Variants in ZMYM2 observed in about 807,000 individuals in gnomAD.
ZMYM2 encodes the protein zinc finger MYM-type protein 2.
ZMYM2 carries 56 observed loss-of-function variants against 162.8 expected under a neutral mutation model. The ratio of observed to expected loss-of-function variants is 0.34; its 90% CI spans 0.28 to 0.43. The LOEUF (loss-of-function observed/expected upper bound fraction) is 0.43, where lower values mean the gene tolerates loss of function less well. Among genes scored for constraint, ZMYM2 ranks in the 20% least tolerant of loss-of-function variants. The pLI is 1.00. For synonymous variants in ZMYM2, 510 were observed against 541.6 expected (o/e 0.94, Z 0.81); for missense variants, 1,275 against 1,621.8 (o/e 0.79, Z 3.67).
the ZMYM2 span, among the ~76,000 whole-genome samples, chr13:19,908,051 G>T: frequency 6.6e-6 from 1 of 152,138 alleles, no homozygotes; most frequent in Non-Finnish European, 1.5e-5. Context: ...ACTATGTGAG[G>T]CCAAGGCAGG....
At chr13:20,068,885 T>A (rs755922369) in intron 21 of ZMYM2, among the ~76,000 whole-genome samples, 1 of 152,154 alleles carries the variant, frequency 6.6e-6, no homozygotes, top group Non-Finnish European at 1.5e-5. Context: ...TTGGGGGCTG[T>A]GTTTTGGGGT....
intron 12 of ZMYM2, among the ~76,000 whole-genome samples, chr13:20,050,957 T>C (rs1351704168): frequency 1.3e-5 from 2 of 152,024 alleles, no homozygotes; most frequent in Non-Finnish European, 2.9e-5. Context: ...TATTAAACTG[T>C]TGAAAAACTC....
intron 3 of ZMYM2, among the ~76,000 whole-genome samples, chr13:19,998,995 G>A (rs750944535): frequency 5.9e-5 from 9 of 152,272 alleles, no homozygotes; most frequent in Non-Finnish European, 1.0e-4. Context: ...ATGAAGATAG[G>A]TTATGGTATT....
Position 20,006,381 on chromosome 13 carries a change from A to G in ZMYM2, c.1307A>G (p.His436Arg). Residue 436 changes from histidine to arginine, a missense_variant, in exon 6 of 25, where the codon CAT becomes CGT. Transcript: ENST00000610343. ...TGTTTATTTTTCTTTTAGATTCGCC[A>G]TGAAGTCAGCTTTAAAAATATGACT... ...TICGKLTEIR[H>R]EVSFKNMTHK... 6.3e-7 allele frequency: 1 copy of G among 1,580,978 alleles called. No homozygotes were observed.
At chr13:20,046,078 CAA>C (rs34444937) in intron 12 of ZMYM2, among the ~76,000 whole-genome samples, 18 of 96,812 alleles carry the variant, frequency 1.9e-4, no homozygotes, top group East Asian at 3.0e-4. Context: ...CCCATCTCTG[CAA>C]AAAAAAAAAA....
At chr13:20,014,058 T>G (rs936190101) in intron 6 of ZMYM2, among the ~76,000 whole-genome samples, 20 of 152,096 alleles carry the variant, frequency 1.3e-4, no homozygotes, top group Admixed American at 7.9e-4. Flanking sequence ...TGGCCTTCTC[T>G]TTTTTGGGAC....
At chr13:19,987,289 A>T (rs1206160521) in intron 2 of ZMYM2, among the ~76,000 whole-genome samples, 2 of 151,602 alleles carry the variant, frequency 1.3e-5, no homozygotes, top group Admixed American at 6.6e-5. Flanking sequence ...CTTGAGACAG[A>T]GTCTCTCACC....
At chr13:19,989,709 T>C (rs905319182) in intron 2 of ZMYM2, among the ~76,000 whole-genome samples, 18 of 152,274 alleles carry the variant, frequency 1.2e-4, no homozygotes, top group African/African-American at 3.9e-4. Flanking sequence ...TAGATTATTA[T>C]TGACTATAGT....
the ZMYM2 span, among the ~76,000 whole-genome samples, chr13:19,913,223 C>T: frequency 2.6e-5 from 4 of 152,152 alleles, no homozygotes; most frequent in African/African-American, 4.8e-5. Context: ...GATAACTACT[C>T]TCTTTCTGAG....
Position 20,032,595 on chromosome 13 carries a change from CTGTCTTTTTT to C in ZMYM2, c.1968+1162_1968+1171del, listed in dbSNP as rs1953274942. Among the ~76,000 whole-genome samples, 4 of 96,372 alleles carry C rather than the reference CTGTCTTTTTT, an allele frequency of 4.2e-5. 1 individual carries two copies. The highest frequency in any genetic ancestry group is 2.7e-4 in the East Asian group (1 of 3,650). 63.2% of individuals were successfully genotyped at this position (96,372 alleles called of 152,430 possible). On this transcript the variant is annotated intron_variant, in intron 10 of 24. Transcript: ENST00000610343. ...AGAACTGGATTACATGATTTTTTTT[CTGTCTTTTTT>C]TTTTTTTTTTTTTTTTTTTTTGAGA...
intron 2 of ZMYM2, among the ~76,000 whole-genome samples, chr13:19,983,092 G>A (rs1334449087): frequency 6.6e-6 from 1 of 151,468 alleles, no homozygotes; most frequent in Non-Finnish European, 1.5e-5. Flanking sequence ...AAATCTTCCG[G>A]GTCTTTGGGG....
At chr13:19,954,330 G>GTTGACCAGGA (rs759697323), upstream of ZMYM2, among the ~76,000 whole-genome samples, 11 of 151,054 alleles carry the variant, frequency 7.3e-5, no homozygotes, top group Non-Finnish European at 1.0e-4. Context: ...GGGTTTCACC[G>GTTGACCAGGA]TGGTCTCGAT....
At chr13:20,007,609 C>T (rs1950844548) in intron 6 of ZMYM2, among the ~76,000 whole-genome samples, 1 of 144,728 alleles carries the variant, frequency 6.9e-6, no homozygotes, top group Non-Finnish European at 1.5e-5. Flanking sequence ...TATGAACTTT[C>T]TCCCTCTTTA....
intron 17 of ZMYM2, 29 bp downstream of exon 17, chr13:20,061,253 A>G: frequency 6.2e-7 from 1 of 1,605,226 alleles, no homozygotes. Flanking sequence ...TACCTTGCGA[A>G]TAAGTGTTAA....
intron 2 of ZMYM2, among the ~76,000 whole-genome samples, chr13:19,968,011 T>G (rs150490213): frequency 2.3e-3 from 356 of 152,320 alleles, no homozygotes; most frequent in Non-Finnish European, 4.4e-3. Context: ...TCCTCCAGAA[T>G]CTCTGCATCT....
At chr13:20,010,978 G>A (rs946843153) in intron 6 of ZMYM2, among the ~76,000 whole-genome samples, 3 of 151,972 alleles carry the variant, frequency 2.0e-5, no homozygotes, top group African/African-American at 2.4e-5. Flanking sequence ...TTGTATATAC[G>A]TAGGGGATAC....
At chr13:20,019,692 C>T in intron 7 of ZMYM2, 74 bp downstream of exon 7, 2 of 1,323,348 alleles carry the variant, frequency 1.5e-6, no homozygotes, top group Admixed American at 2.2e-5. Context: ...TAATATGTAT[C>T]TGAAAAATCT....
chr13:20,036,959 G>T, intron 12 of ZMYM2, 50 bp downstream of exon 12: 1 of 1,480,180 alleles, frequency 6.8e-7, no homozygotes, highest in Non-Finnish European at 9.0e-7. Flanking sequence ...CTTAAAAAAC[G>T]TTGTAGCTGT....
chr13:20,052,425 T>G (rs1409289679), intron 14 of ZMYM2, 114 bp downstream of exon 14: 1 of 880,170 alleles, frequency 1.1e-6, no homozygotes, highest in East Asian at 2.8e-5. Flanking sequence ...TTTTTTTGCT[T>G]TACTGAGACG....
Sources: gnomAD v4.1 joint callset for allele counts (sites outside exome capture counted in the v4.1 genomes callset) on GRCh38, gnomAD v4.1.1 for gene constraint, MANE v1.5 for transcripts, NCBI Gene and HGNC (gene_info 2026-07-23, HGNC 2026-07-21) for gene names.